CTNNA3: variants seen among roughly 807,000 people sequenced by gnomAD.
CTNNA3 encodes the protein catenin alpha-3.
CTNNA3 carries 76 observed loss-of-function variants against 95.7 expected under a neutral mutation model. The ratio of observed to expected loss-of-function variants is 0.79; its 90% CI spans 0.66 to 0.96. The LOEUF (loss-of-function observed/expected upper bound fraction) is 0.96. Among genes scored for constraint, CTNNA3 ranks in the 40% least tolerant of loss-of-function variants. The probability of loss-of-function intolerance (pLI) is 0.00; values close to 1 mark genes in which losing one functional copy is unlikely to be tolerated. For synonymous variants in CTNNA3, 431 were observed against 374.4 expected, an observed-to-expected ratio of 1.15 and a Z score of -1.74; for missense variants, 1,191 against 1,089.8, an observed-to-expected ratio of 1.09 and a Z score of -1.31.
intron 7 of CTNNA3, among the ~76,000 whole-genome samples, chr10:66,777,682 T>C (rs1172271629): frequency 6.6e-6 from 1 of 151,894 alleles, no homozygotes; most frequent in Non-Finnish European, 1.5e-5. Context: ...CAGTGTTTGC[T>C]CTTGGTTGTA....
intron 13 of CTNNA3, among the ~76,000 whole-genome samples, chr10:66,107,382 A>C (rs1228368398): frequency 6.6e-6 from 1 of 152,240 alleles, no homozygotes; most frequent in Non-Finnish European, 1.5e-5. Flanking sequence ...TATTGTAAAG[A>C]TAAAACAAGA....
At chr10:66,665,890 T>A (rs535088615) in intron 9 of CTNNA3, among the ~76,000 whole-genome samples, 101 of 152,276 alleles carry the variant, frequency 6.6e-4, no homozygotes, top group African/African-American at 1.9e-3. Flanking sequence ...ATATTACAAC[T>A]CAAGGGCCAA....
intron 15 of CTNNA3, among the ~76,000 whole-genome samples, chr10:66,022,246 T>G (rs999060820): frequency 6.6e-6 from 1 of 152,178 alleles, no homozygotes; most frequent in East Asian, 1.9e-4. Context: ...CTTCATATGC[T>G]GAGTTCTCCT....
chr10:66,297,821 CTGCCA>C (rs2091803176), intron 12 of CTNNA3, among the ~76,000 whole-genome samples: 1 of 152,178 alleles, frequency 6.6e-6, no homozygotes, highest in Non-Finnish European at 1.5e-5. Context: ...ATCCAACCTC[CTGCCA>C]TGTTTGGGCC....
intron 13 of CTNNA3, among the ~76,000 whole-genome samples, chr10:66,152,848 C>T (rs2084274858): frequency 6.6e-6 from 1 of 151,872 alleles, no homozygotes; most frequent in Non-Finnish European, 1.5e-5. Flanking sequence ...CACTGAGCTC[C>T]AGGAATGTGT....
At chr10:66,837,993 G>A (rs1018557773) in intron 7 of CTNNA3, among the ~76,000 whole-genome samples, 1 of 151,948 alleles carries the variant, frequency 6.6e-6, no homozygotes, top group Non-Finnish European at 1.5e-5. Context: ...GACGGTACAG[G>A]TCTAAATCTG....
intron 7 of CTNNA3, among the ~76,000 whole-genome samples, chr10:67,104,442 A>T (rs1409337708): frequency 6.6e-6 from 1 of 152,004 alleles, no homozygotes; most frequent in Admixed American, 6.6e-5. Context: ...TAGTTTAAAT[A>T]TAAAATAAAT....
At position 67,620,903 on chromosome 10, in the gene CTNNA3, A is replaced by G. The variant is rs573746972; in HGVS notation, c.100-13854T>C. 4.0e-3 allele frequency among the ~76,000 whole-genome samples: 509 copies of G among 126,370 alleles called. 1 individual carries two copies. The highest frequency in any genetic ancestry group is 5.3e-3 in the Non-Finnish European group (339 of 63,424). The allele number at this position is 126,370 out of a possible 152,430, so 82.9% of individuals were successfully genotyped here. A position where few individuals can be genotyped will look rare whatever the true frequency, so the allele number is the denominator to read the frequency against. On this transcript the variant is annotated intron_variant, in intron 2 of 17. Transcript: ENST00000433211. ...CATATATATGTGTATATATATGTAT[A>G]TGTGTGTGTGTGTGTGTGTGTATAT...
At chr10:66,696,977 T>C (rs1019883764) in intron 9 of CTNNA3, among the ~76,000 whole-genome samples, 1 of 151,886 alleles carries the variant, frequency 6.6e-6, no homozygotes, top group Non-Finnish European at 1.5e-5. Flanking sequence ...TGGGCCAGAT[T>C]TCTCTCTGCT....
chr10:66,713,218 C>A (rs917184184), intron 9 of CTNNA3, among the ~76,000 whole-genome samples: 16 of 152,108 alleles, frequency 1.1e-4, no homozygotes, highest in African/African-American at 3.4e-4. Context: ...GTTCCAAAAT[C>A]TTTTCAAATC....
At chr10:67,724,734 A>G (rs1012960312) in intron 1 of CTNNA3, among the ~76,000 whole-genome samples, 1 of 152,184 alleles carries the variant, frequency 6.6e-6, no homozygotes, top group African/African-American at 2.4e-5. Flanking sequence ...AGTACCTAGT[A>G]TATTTTCCAA....
At chr10:67,436,622 A>G (rs1202263559) in intron 5 of CTNNA3, among the ~76,000 whole-genome samples, 2 of 152,130 alleles carry the variant, frequency 1.3e-5, no homozygotes, top group African/African-American at 4.8e-5. Flanking sequence ...AAACAAATCA[A>G]TAAGAAAAAA....
At chr10:66,661,111 C>T (rs930100564) in intron 9 of CTNNA3, among the ~76,000 whole-genome samples, 16 of 151,194 alleles carry the variant, frequency 1.1e-4, no homozygotes, top group African/African-American at 3.9e-4. Context: ...TGATACTAAA[C>T]AATTAGATCA....
intron 7 of CTNNA3, among the ~76,000 whole-genome samples, chr10:67,029,775 C>G (rs1853607987): frequency 6.6e-6 from 1 of 152,140 alleles, no homozygotes; most frequent in Admixed American, 6.5e-5. Context: ...CCTGTGATGT[C>G]CAATAGGGTA....
At chr10:66,056,885 C>A (rs2080098728) in intron 15 of CTNNA3, among the ~76,000 whole-genome samples, 1 of 152,140 alleles carries the variant, frequency 6.6e-6, no homozygotes, top group Non-Finnish European at 1.5e-5. Flanking sequence ...TCTGCAGCAA[C>A]CAGTCCTGGA....
At chr10:67,667,782 T>C (rs1320298762) in intron 1 of CTNNA3, among the ~76,000 whole-genome samples, 2 of 152,150 alleles carry the variant, frequency 1.3e-5, no homozygotes, top group Non-Finnish European at 2.9e-5. Flanking sequence ...CATTTGGAAA[T>C]AAAATAGGAT....
chr10:66,533,873 C>T (rs900262140), intron 10 of CTNNA3, among the ~76,000 whole-genome samples: 1 of 152,062 alleles, frequency 6.6e-6, no homozygotes, highest in Non-Finnish European at 1.5e-5. Flanking sequence ...GAGTTCAAGA[C>T]CAGCCTGGGC....
chr10:67,245,777 C>G lies in CTNNA3; in HGVS notation c.580-25907G>C, dbSNP rs981495336. Among the ~76,000 whole-genome samples the G allele has an allele frequency of 7.3e-5, 11 of 150,956 alleles. No homozygotes were observed. In the South Asian group the frequency reaches 8.4e-4, roughly 12 times the overall value. ...AGAGGCTGAGGCAGAATTTCTTGAA[C>G]CTGGGAAGTGGAGGTTGCAGTGAGC... On this transcript the variant is annotated intron_variant, in intron 5 of 17. Transcript: ENST00000433211.
At chr10:66,830,596 A>G (rs1842678386) in intron 7 of CTNNA3, among the ~76,000 whole-genome samples, 2 of 110,814 alleles carry the variant, frequency 1.8e-5, no homozygotes, top group South Asian at 2.9e-4. Context: ...CACAACTACT[A>G]ATTTCTCTTT....
Sources: gnomAD v4.1 joint callset for allele counts (sites outside exome capture counted in the v4.1 genomes callset) on GRCh38, gnomAD v4.1.1 for gene constraint, MANE v1.5 for transcripts, NCBI Gene and HGNC (gene_info 2026-07-23, HGNC 2026-07-21) for gene names.